Variants in DMD observed in about 807,000 individuals in gnomAD.
DMD encodes mutant dystrophin.
Under a neutral mutation model 330.1 loss-of-function variants are expected in DMD, and 63 were observed. That is an observed-to-expected ratio of 0.19 (90% CI 0.16 to 0.24). The LOEUF (loss-of-function observed/expected upper bound fraction) is 0.24. Among genes scored for constraint, DMD ranks in the 10% least tolerant of loss-of-function variants. The pLI, the probability that DMD is intolerant of heterozygous loss-of-function variation, is 1.00. For missense variants in DMD, 3,344 were observed against 2,684.1 expected (o/e 1.25, Z -5.43); for synonymous variants, 1,223 against 959.8 (o/e 1.27, Z -5.07).
chrX:33,013,083 T>A (rs1291740587), intron 2 of DMD, among the ~76,000 whole-genome samples: 5 of 110,611 alleles, frequency 4.5e-5, no homozygotes, highest in African/African-American at 1.6e-4. Context: ...TGATGATTTG[T>A]CCCAAAAATG....
At chrX:32,468,348 C>T (rs184478373) in intron 23 of DMD, 150 bp downstream of exon 23, 1 of 483,827 alleles carries the variant, frequency 2.1e-6, no homozygotes, top group African/African-American at 2.4e-5. Context: ...AATCGCCATC[C>T]TTTGTAAAAG....
chrX:32,222,299 A>T (rs1401718630), intron 43 of DMD, among the ~76,000 whole-genome samples: 1 of 111,922 alleles, frequency 8.9e-6, no homozygotes, highest in East Asian at 2.8e-4. Context: ...GAAATTTTCT[A>T]GCACCAAATG....
chrX:31,602,024 T>C (rs941569352), intron 55 of DMD, among the ~76,000 whole-genome samples: 6 of 111,986 alleles, frequency 5.4e-5, no homozygotes, highest in African/African-American at 1.9e-4. Flanking sequence ...TCCTATACTA[T>C]TTTATAGAAA....
Position 31,856,803 on chromosome X carries a change from A to G in DMD, c.7098+18385T>C, listed in dbSNP as rs183154978. Among the ~76,000 whole-genome samples the G allele has an allele frequency of 9.5e-4, 107 of 112,176 alleles. 1 individual carries two copies. The highest frequency in any genetic ancestry group is 3.3e-3 in the African/African-American group (103 of 30,903). Reference sequence around the variant, plus strand: ...TAATACTTATTACTATGCTAATACCAGAAGACGTATTGTAATAAAGGTCAC... The same window carrying G: ...TAATACTTATTACTATGCTAATACCGGAAGACGTATTGTAATAAAGGTCAC... On this transcript the variant is annotated intron_variant, in intron 48 of 78. Transcript: ENST00000357033.
Position 31,868,364 on chromosome X carries a change from A to G in DMD, c.7098+6824T>C, listed in dbSNP as rs771119257. On this transcript the variant is annotated intron_variant, in intron 48 of 78. Transcript: ENST00000357033. ...TTTAGAGTATGCTTTTGTAAACAGAATGAAACATTAATCTTTTTATCCCTG... is the reference window on the plus strand; with the variant it reads ...TTTAGAGTATGCTTTTGTAAACAGAGTGAAACATTAATCTTTTTATCCCTG... 1.3e-4 allele frequency among the ~76,000 whole-genome samples: 15 copies of G among 112,566 alleles called. No homozygotes were observed. In the South Asian group the frequency reaches 3.6e-3, roughly 27 times the overall value.
chrX:32,493,386 A>C (rs752788622), intron 19 of DMD, among the ~76,000 whole-genome samples: 4 of 111,730 alleles, frequency 3.6e-5, no homozygotes, highest in African/African-American at 6.5e-5. Context: ...ATATATTTTT[A>C]ATGAGATACA....
chrX:32,634,605 G>T (rs777706308), intron 11 of DMD, among the ~76,000 whole-genome samples: 1 of 111,773 alleles, frequency 8.9e-6, no homozygotes, highest in Non-Finnish European at 1.9e-5. Context: ...GCTCTCTTCT[G>T]GCCCAGGGTG....
intron 41 of DMD, among the ~76,000 whole-genome samples, chrX:32,331,806 G>C (rs2097681550): frequency 9.0e-6 from 1 of 111,649 alleles, no homozygotes; most frequent in South Asian, 3.7e-4. Flanking sequence ...TATTCAAGAG[G>C]TAATATGTTG....
At chrX:32,785,394 A>G (rs2075262755) in intron 7 of DMD, among the ~76,000 whole-genome samples, 1 of 111,504 alleles carries the variant, frequency 9.0e-6, no homozygotes, top group Non-Finnish European at 1.9e-5. Context: ...TATTATGATT[A>G]TTCAATGCCT....
chrX:32,700,890 G>A (rs959479456), intron 7 of DMD, among the ~76,000 whole-genome samples: 1 of 111,743 alleles, frequency 8.9e-6, no homozygotes, highest in Non-Finnish European at 1.9e-5. Context: ...AAGTCCGTTA[G>A]CACAAAAGCA....
At chrX:32,486,758 C>T (rs1294028665) in intron 20 of DMD, among the ~76,000 whole-genome samples, 1 of 105,838 alleles carries the variant, frequency 9.4e-6, no homozygotes, top group African/African-American at 3.4e-5. Context: ...GGAAAGGATT[C>T]CCTATTTAAT....
At chrX:31,244,333 T>C (rs2048632509) in intron 63 of DMD, among the ~76,000 whole-genome samples, 2 of 112,209 alleles carry the variant, frequency 1.8e-5, no homozygotes, top group Admixed American at 1.9e-4. Flanking sequence ...ATATTTTTCA[T>C]AGGATAAATG....
At chrX:31,449,859 G>A (rs1159766190) in intron 59 of DMD, among the ~76,000 whole-genome samples, 1 of 102,247 alleles carries the variant, frequency 9.8e-6, no homozygotes, top group Non-Finnish European at 2.0e-5. Context: ...GCTACTCAGT[G>A]TTTGAAAAAC....
At chrX:32,144,011 T>A (rs1422259343) in intron 44 of DMD, among the ~76,000 whole-genome samples, 1 of 111,657 alleles carries the variant, frequency 9.0e-6, no homozygotes, top group Non-Finnish European at 1.9e-5. Flanking sequence ...GACTTGCCCA[T>A]CTCCCACAAA....
chrX:33,232,727 C>T (rs1046411771), intron 1 of DMD, among the ~76,000 whole-genome samples: 1 of 111,246 alleles, frequency 9.0e-6, no homozygotes, highest in South Asian at 3.8e-4. Context: ...CCCTTCTCTA[C>T]TAAAAATACA....
intron 7 of DMD, among the ~76,000 whole-genome samples, chrX:32,769,283 G>A (rs2073344872): frequency 8.9e-6 from 1 of 111,766 alleles, no homozygotes; most frequent in Admixed American, 9.5e-5. Context: ...TCACATGGTG[G>A]CAGACGAGAA....
At chrX:32,306,284 T>C (rs757469752) in intron 42 of DMD, among the ~76,000 whole-genome samples, 1 of 111,021 alleles carries the variant, frequency 9.0e-6, no homozygotes, top group Non-Finnish European at 1.9e-5. Flanking sequence ...GGTTTACTTG[T>C]CCTAACAATT....
chrX:32,822,423 CG>C (rs765044059), intron 5 of DMD, among the ~76,000 whole-genome samples: 2 of 109,148 alleles, frequency 1.8e-5, no homozygotes, highest in Non-Finnish European at 1.9e-5. Context: ...GTTACTATTA[CG>C]TATATATATA....
chrX:31,929,785 AGC>A, intron 46 of DMD, 40 bp from the exon 47 acceptor site: 1 of 1,202,501 alleles, frequency 8.3e-7, no homozygotes, highest in Non-Finnish European at 1.1e-6. Flanking sequence ...AATGAATTAC[AGC>A]ACAATTCCAA....
Sources: gnomAD v4.1 joint callset for allele counts (sites outside exome capture counted in the v4.1 genomes callset) on GRCh38, gnomAD v4.1.1 for gene constraint, MANE v1.5 for transcripts, NCBI Gene and HGNC (gene_info 2026-07-23, HGNC 2026-07-21) for gene names.